The following RHOT2 variants were observed in gnomAD, a reference collection of about 807,000 sequenced individuals.
RHOT2 encodes mitochondrial Rho GTPase 2.
Under a neutral mutation model 81.6 loss-of-function variants are expected in RHOT2, and 90 were observed. The ratio of observed to expected loss-of-function variants is 1.10; its 90% CI spans 0.93 to 1.31. RHOT2 has a LOEUF of 1.31. Ranked by LOEUF, RHOT2 falls within the 40% of genes most tolerant of loss-of-function variation. RHOT2 has a pLI of 0.00. For missense variants in RHOT2, 1,014 were observed against 841.9 expected (o/e 1.20, Z -2.53); for synonymous variants, 512 against 370.9 (o/e 1.38, Z -4.37).
At chr16:673,326 G>A in intron 18 of RHOT2, 154 bp from the exon 19 acceptor site, 1 of 1,297,594 alleles carries the variant, frequency 7.7e-7, no homozygotes, top group Non-Finnish European at 1.1e-6. Flanking sequence ...CAGTGCCCAG[G>A]CATGTCCCTC....
rs372842109 is a variant in RHOT2, at chr16:671,246, A to T, written c.869+43A>T. 4.0e-6 allele frequency: 6 copies of T among 1,512,686 alleles called. No individual in the cohort carries two copies. The South Asian group carries it at 5.1e-5, about 13-fold the overall frequency. The allele number at this position is 1,512,686 out of a possible 1,614,324, so 93.7% of individuals were successfully genotyped here. On this transcript the variant is annotated intron_variant, in intron 11 of 18. Coordinates refer to ENST00000315082, the MANE Select transcript of RHOT2 (RefSeq NM_138769.3). ...TTGAGGCCTGCCCTCCCCGAGGGTC[A>T]GGAGCTGACTGCCGACTATCTCTCC...
At chr16:670,069 G>T in intron 5 of RHOT2, 54 bp from the exon 6 acceptor site, 4 of 1,491,174 alleles carry the variant, frequency 2.7e-6, no homozygotes, top group South Asian at 1.3e-5. Context: ...TGCTCCAGCT[G>T]GGAGCCATGT....
chr16:673,583 A>C lies in RHOT2; in HGVS notation c.1834A>C (p.Arg612=), dbSNP rs201820499. 2.5e-6 allele frequency: 4 copies of C among 1,610,854 alleles called. No homozygotes were observed. In the Admixed American group the frequency reaches 5.0e-5, roughly 20 times the overall value. ...VAAVLSFSLY[R]VLVKSQ is the part of the protein sequence containing the mutation. Reference sequence around the variant, plus strand: ...CGCAGTCCTCAGCTTCTCACTCTACAGGGTCCTGGTGAAGAGCCAGTGAGG... The same window carrying C: ...CGCAGTCCTCAGCTTCTCACTCTACCGGGTCCTGGTGAAGAGCCAGTGAGG... Residue 612 remains arginine (R), a synonymous_variant, in exon 19 of 19, where the codon AGG becomes CGG. Transcript: ENST00000315082.
rs1211778467 is a variant in RHOT2, at chr16:674,002, G to A, written c.*396G>A. ...TGGCCAGTGGGTATGAGGAGGGCTG[G>A]AAGGCAGAGCTTTGGGCCAAAAGCA... On this transcript the variant is annotated 3_prime_UTR_variant, in exon 19 of 19. Coordinates refer to ENST00000315082, the MANE Select transcript of RHOT2 (RefSeq NM_138769.3). The A allele has an allele frequency of 1.1e-5, 4 of 377,676 alleles. No individual in the cohort carries two copies. Among genetic ancestry groups the A allele is most frequent in the East Asian group, 1.5e-4 (2 of 13,108 alleles). 23.4% of individuals were successfully genotyped at this position (377,676 alleles called of 1,614,324 possible).
At position 671,189 on chromosome 16, in the gene RHOT2, C is replaced by CTA. The variant is rs1567247618; in HGVS notation, c.857_858dup (p.Leu287IlefsTer5). ...GCGATGCCCTGGAGCTGACTGCGGA[C>CTA]TATCTCTCCCCTCTGTGAGTGATGC... On this transcript the variant is annotated frameshift_variant, in exon 11 of 19. Transcript: ENST00000315082. LOFTEE classifies it high-confidence loss of function. 1 of 1,565,458 alleles carries CTA rather than the reference C, an allele frequency of 6.4e-7. No homozygotes were observed. The highest frequency in any genetic ancestry group is 1.4e-5 in the African/African-American group (1 of 73,704).
In RHOT2 at chr16:668,483, TGCAGGTCCCTCCCCGCGCGGAG is replaced by T; in HGVS notation, c.97-3_115del. ...GTCCCTGGTGAGCGCGCGGGTCCCT[TGCAGGTCCCTCCCCGCGCGGAG>T]GAGATCACCATCCCCGCGGACGTCA... On this transcript the variant is annotated splice_acceptor_variant and splice_polypyrimidine_tract_variant and coding_sequence_variant and intron_variant, in exon 3 of 19. Coordinates refer to ENST00000315082, the MANE Select transcript of RHOT2 (RefSeq NM_138769.3). LOFTEE classifies it high-confidence loss of function. The T allele has an allele frequency of 1.2e-6, 2 of 1,603,064 alleles. No individual in the cohort carries two copies. Among genetic ancestry groups the T allele is most frequent in the Non-Finnish European group, 1.7e-6 (2 of 1,175,880 alleles).
rs1336710770 is a variant in RHOT2 at position 673,514 on chromosome 16, T to G, written c.1765T>G (p.Phe589Val). 5 of 1,612,698 alleles carry G rather than the reference T, an allele frequency of 3.1e-6. No individual in the cohort carries two copies. The South Asian group carries it at 4.4e-5, about 14-fold the overall frequency. The change falls in exon 19 of 19, where the codon TTC (phenylalanine) becomes GTC (valine). Residue 589 changes from phenylalanine (F) to valine (V), a missense_variant. Phe to Val is a conservative substitution (Grantham distance 50). Transcript: ENST00000315082. ...CCACGCAGAGCTGCATCCCTCTTCC[T>G]TCTGGCTCCGGGGGCTGCTGGGGGT... ...LVHAELHPSS[F>V]WLRGLLGVVG... is the part of the protein sequence containing the mutation.
chr16:673,153 C>T (rs766553773), intron 18 of RHOT2, 23 bp downstream of exon 18: 3 of 1,605,744 alleles, frequency 1.9e-6, no homozygotes, highest in Non-Finnish European at 8.5e-7. Context: ...TAGCGCAGCC[C>T]TGGGGACTAG....
In RHOT2 at chr16:673,902, G is replaced by A. The variant is rs552311355; in HGVS notation, c.*296G>A. ...CCTGGGCATCATGTGTGTGGGGCCG[G>A]GGAGCACAGGTGTGGGAGCTGGTGA... is the stretch of plus-strand genomic sequence containing the variant. On this transcript the variant is annotated 3_prime_UTR_variant, in exon 19 of 19. Coordinates refer to ENST00000315082, the MANE Select transcript of RHOT2 (RefSeq NM_138769.3). 3.4e-4 allele frequency: 201 copies of A among 594,728 alleles called. 1 individual carries two copies. Among genetic ancestry groups the A allele is most frequent in the African/African-American group, 3.3e-3 (180 of 54,746 alleles). The allele number at this position is 594,728 out of a possible 1,614,324, so 36.8% of individuals were successfully genotyped here.
At position 672,533 on chromosome 16, in the gene RHOT2, G is replaced by C. The variant is rs748596865; in HGVS notation, c.1371G>C (p.Thr457=). 6.2e-7 allele frequency: 1 copy of C among 1,612,506 alleles called. No individual in the cohort carries two copies. The highest frequency in any genetic ancestry group is 1.7e-5 in the Admixed American group (1 of 60,010). ...AGCCTCCCGGCTACGCCATCGACAC[G>C]GTGCAGGTCAATGGACAGGAGAAGT... ...REQPPGYAID[T]VQVNGQEKYL... is the part of the protein sequence containing the mutation. Residue 457 remains threonine, a synonymous_variant, in exon 16 of 19, where the codon ACG becomes ACC. Transcript: ENST00000315082.
chr16:670,604 G>C (rs779092874), intron 8 of RHOT2, 47 bp downstream of exon 8: 5 of 1,600,326 alleles, frequency 3.1e-6, no homozygotes, highest in Non-Finnish European at 4.3e-6. Context: ...AGGGGCCCAG[G>C]GGGTGCTGGG....
chr16:673,960 C>CA lies in RHOT2; in HGVS notation c.*354_*355insA. ...CCCAGAATTCTCAGGGCTCTACCCC[C>CA]CTTTCCTGGTCCTAGGTGGCCAGTG... On this transcript the variant is annotated 3_prime_UTR_variant, in exon 19 of 19. Transcript: ENST00000315082. 2.0e-6 allele frequency: 1 copy of CA among 498,588 alleles called. No homozygotes were observed. Among genetic ancestry groups the CA allele is most frequent in the Non-Finnish European group, 3.9e-6 (1 of 257,358 alleles). 30.9% of individuals were successfully genotyped at this position (498,588 alleles called of 1,614,324 possible).
At position 670,828 on chromosome 16, in the gene RHOT2, A is replaced by C. The variant is rs1596504025; in HGVS notation, c.639+55A>C. 1.1e-5 allele frequency: 18 copies of C among 1,601,166 alleles called. No homozygotes were observed. The East Asian group carries it at 3.8e-4, about 34-fold the overall frequency. ...GCCCCCTTGAACCTCCGCTGCCGTTAGTGACTGGAACGGGTCGTCTCCGGG... is the reference window on the plus strand; with the variant it reads ...GCCCCCTTGAACCTCCGCTGCCGTTCGTGACTGGAACGGGTCGTCTCCGGG... On this transcript the variant is annotated intron_variant, in intron 9 of 18. Transcript: ENST00000315082.
In RHOT2 at chr16:672,733, G is replaced by C. The variant is rs767814648; in HGVS notation, c.1435G>C (p.Ala479Pro). The C allele has an allele frequency of 1.2e-6, 2 of 1,612,342 alleles. No individual in the cohort carries two copies. Among genetic ancestry groups the C allele is most frequent in the African/African-American group, 2.7e-5 (2 of 74,936 alleles). ...LCEVGTDGLL[A>P]TSLDATCDVA... ...TGAGGTGGGCACAGATGGTCTGCTGGCCACATCGCTGGACGCCACCTGTGA... is the reference window on the plus strand; with the variant it reads ...TGAGGTGGGCACAGATGGTCTGCTGCCCACATCGCTGGACGCCACCTGTGA... Residue 479 changes from alanine (A) to proline (P), a missense_variant, in exon 17 of 19, where the codon GCC (alanine) becomes CCC (proline). Transcript: ENST00000315082.
intron 3 of RHOT2, 27 bp from the exon 4 acceptor site, chr16:668,629 C>G (rs2038343034): frequency 1.2e-6 from 2 of 1,609,002 alleles, no homozygotes; most frequent in Non-Finnish European, 1.7e-6. Flanking sequence ...CTGCTGGGTC[C>G]GCAGTGGAGT....
Position 668,637 on chromosome 16 carries a change from A to G in RHOT2, c.179-19A>G. Reference sequence around the variant, plus strand: ...GGCGGGCCTGCTGGGTCCGCAGTGGAGTCTCTTTGTCCCCCTAGAAGCCGA... The same window carrying G: ...GGCGGGCCTGCTGGGTCCGCAGTGGGGTCTCTTTGTCCCCCTAGAAGCCGA... On this transcript the variant is annotated intron_variant, in intron 3 of 18. Transcript: ENST00000315082. The G allele has an allele frequency of 6.2e-7, 1 of 1,607,866 alleles. No individual in the cohort carries two copies. Among genetic ancestry groups the G allele is most frequent in the East Asian group, 2.3e-5 (1 of 44,366 alleles).
chr16:672,990 A>G lies in RHOT2; in HGVS notation c.1590A>G (p.Glu530=). 6.2e-7 allele frequency: 1 copy of G among 1,612,720 alleles called. No individual in the cohort carries two copies. Among genetic ancestry groups the G allele is most frequent in the Non-Finnish European group, 8.5e-7 (1 of 1,179,980 alleles). The change falls in exon 18 of 19, where the codon GAA becomes GAG. Residue 530 remains glutamate (E), a synonymous_variant. Coordinates refer to ENST00000315082, the MANE Select transcript of RHOT2 (RefSeq NM_138769.3). ...LFVSSKADLP[E]GVAVSGPSPA... ...TCTCCTCCAAGGCCGACCTGCCCGA[A>G]GGTGTCGCGGTGTCTGGCCCATCAC...
chr16:670,718 T>G lies in RHOT2; in HGVS notation c.584T>G (p.Leu195Arg). 6.2e-7 allele frequency: 1 copy of G among 1,612,458 alleles called. No homozygotes were observed. The highest frequency in any genetic ancestry group is 8.5e-7 in the Non-Finnish European group (1 of 1,179,918). ...CAGGCGCTGACGCGCATCTTCAGGC[T>G]CTCAGATCAGGACCTGGACCAGGCG... is the stretch of plus-strand genomic sequence containing the variant. ...CAQALTRIFR[L>R]SDQDLDQALS... is the part of the protein sequence containing the mutation. Residue 195 changes from leucine to arginine, a missense_variant, in exon 9 of 19, where the codon CTC (leucine) becomes CGC (arginine). Leu to Arg is a moderately radical substitution (Grantham distance 102). Transcript: ENST00000315082.
At chr16:670,027 C>A in intron 5 of RHOT2, 96 bp from the exon 6 acceptor site, 2 of 1,215,612 alleles carry the variant, frequency 1.6e-6, no homozygotes, top group Non-Finnish European at 2.3e-6. Flanking sequence ...GGGCCTTGAC[C>A]TCCCCCTTCT....
Sources: gnomAD v4.1 joint callset for allele counts on GRCh38, gnomAD v4.1.1 for gene constraint, MANE v1.5 for transcripts, NCBI Gene and HGNC (gene_info 2026-07-23, HGNC 2026-07-21) for gene names.